Variants in GRID2 observed in about 807,000 individuals in gnomAD.
The protein encoded by GRID2 is glutamate receptor ionotropic, delta-2.
GRID2 carries 33 observed loss-of-function variants against 114.8 expected under a neutral mutation model. The ratio of observed to expected loss-of-function variants is 0.29; its 90% CI spans 0.22 to 0.38. GRID2 has a LOEUF of 0.38. Ranked by LOEUF, GRID2 falls within the 10% of genes least tolerant of loss-of-function variation. The pLI is 1.00. For missense variants in GRID2, 1,184 were observed against 1,257.7 expected, an observed-to-expected ratio of 0.94 and a Z score of 0.89; for synonymous variants, 505 against 449.9, an observed-to-expected ratio of 1.12 and a Z score of -1.55.
chr4:93,675,578 G>T (rs545336401), intron 14 of GRID2, among the ~76,000 whole-genome samples: 7 of 152,258 alleles, frequency 4.6e-5, no homozygotes, highest in African/African-American at 1.7e-4. Context: ...GAAACTAAGA[G>T]AAGTTGAGTA....
At chr4:92,660,030 A>C (rs1168082771) in intron 2 of GRID2, among the ~76,000 whole-genome samples, 1 of 151,442 alleles carries the variant, frequency 6.6e-6, no homozygotes, top group Non-Finnish European at 1.5e-5. Flanking sequence ...TTTTCATGAA[A>C]ATTATTTTGT....
At chr4:93,499,505 G>T (rs1374623134) in intron 12 of GRID2, among the ~76,000 whole-genome samples, 1 of 151,888 alleles carries the variant, frequency 6.6e-6, no homozygotes, top group Non-Finnish European at 1.5e-5. Context: ...CTACAGTCAA[G>T]CTAGACTCTT....
chr4:93,276,468 C>T lies in GRID2; in HGVS notation c.1245+37978C>T, dbSNP rs144376462. Among the ~76,000 whole-genome samples the T allele has an allele frequency of 1.1e-4, 17 of 151,994 alleles. No individual in the cohort carries two copies. The East Asian group carries it at 2.7e-3, about 24-fold the overall frequency. The stretch of plus-strand genomic sequence containing the variant: ...CATGTGAACTTTATGATCGTCTGTA[C>T]GATAAGCAGTAGGATTTTGATGGGG... On this transcript the variant is annotated intron_variant, in intron 8 of 15. Coordinates refer to ENST00000282020, the MANE Select transcript of GRID2 (RefSeq NM_001510.4).
intron 2 of GRID2, among the ~76,000 whole-genome samples, chr4:92,708,708 AG>A (rs1735068826): frequency 6.6e-6 from 1 of 152,122 alleles, no homozygotes; most frequent in South Asian, 2.1e-4. Flanking sequence ...ACATGTTTGT[AG>A]CGAATGTCTT....
intron 6 of GRID2, among the ~76,000 whole-genome samples, chr4:93,219,202 G>A (rs982458743): frequency 1.3e-5 from 2 of 152,108 alleles, no homozygotes; most frequent in South Asian, 2.1e-4. Context: ...TAAAAGTTGT[G>A]TTTGTTAAAA....
chr4:93,655,859 G>A (rs1014346417), intron 14 of GRID2, among the ~76,000 whole-genome samples: 2 of 151,836 alleles, frequency 1.3e-5, no homozygotes, highest in Admixed American at 1.3e-4. Flanking sequence ...TGTACACTCA[G>A]AAAAGTCATT....
At chr4:92,356,834 A>G (rs1042698955) in intron 1 of GRID2, among the ~76,000 whole-genome samples, 8 of 151,986 alleles carry the variant, frequency 5.3e-5, no homozygotes, top group African/African-American at 1.9e-4. Context: ...AACATGCTTA[A>G]AAATTGATGT....
intron 2 of GRID2, among the ~76,000 whole-genome samples, chr4:92,599,947 C>G (rs1244591138): frequency 6.7e-6 from 1 of 149,880 alleles, no homozygotes; most frequent in African/African-American, 2.5e-5. Flanking sequence ...ATCGCTTGAA[C>G]CTGGGAGGTG....
chr4:93,713,676 G>A (rs991604560), intron 14 of GRID2, among the ~76,000 whole-genome samples: 1 of 151,936 alleles, frequency 6.6e-6, no homozygotes, highest in Non-Finnish European at 1.5e-5. Flanking sequence ...TTTAGATAGG[G>A]TTACCAAGGA....
chr4:93,524,795 ATATATATATATATATATATGTATG>A (rs1730686913), intron 13 of GRID2, among the ~76,000 whole-genome samples: 1 of 83,692 alleles, frequency 1.2e-5, no homozygotes, highest in African/African-American at 5.2e-5. Flanking sequence ...GTATATATAT[ATATATATATATATATATATGTATG>A]TATGTATATA....
At chr4:93,402,391 T>C (rs1765982090) in intron 9 of GRID2, among the ~76,000 whole-genome samples, 1 of 152,166 alleles carries the variant, frequency 6.6e-6, no homozygotes, top group South Asian at 2.1e-4. Flanking sequence ...GATGAAACTA[T>C]GTGAAAGCAG....
Position 93,213,113 on chromosome 4 carries a change from C to T in GRID2, c.790-3625C>T, listed in dbSNP as rs150215224. Reference sequence around the variant, plus strand: ...GTTGTTGTTTTGAGATTTAAAAAGCCTATATGTGTAATGGATGTTTTTAAT... The same window carrying T: ...GTTGTTGTTTTGAGATTTAAAAAGCTTATATGTGTAATGGATGTTTTTAAT... On this transcript the variant is annotated intron_variant, in intron 5 of 15. Transcript: ENST00000282020. Among the ~76,000 whole-genome samples the T allele has an allele frequency of 5.0e-3, 757 of 152,122 alleles. 8 individuals carry two copies. Among genetic ancestry groups the T allele is most frequent in the African/African-American group, 0.017 (722 of 41,488 alleles).
chr4:93,389,137 G>T (rs1371590412), intron 8 of GRID2, among the ~76,000 whole-genome samples: 2 of 152,016 alleles, frequency 1.3e-5, no homozygotes, highest in African/African-American at 4.8e-5. Flanking sequence ...TGATTCAGAT[G>T]GTACCCATGA....
intron 5 of GRID2, among the ~76,000 whole-genome samples, chr4:93,215,366 A>G (rs1027628011): frequency 2.0e-5 from 3 of 152,066 alleles, no homozygotes; most frequent in Non-Finnish European, 4.4e-5. Context: ...AGCAATATTA[A>G]TATTAATTAA....
chr4:92,640,743 A>C (rs1386766804), intron 2 of GRID2, among the ~76,000 whole-genome samples: 4 of 152,028 alleles, frequency 2.6e-5, no homozygotes, highest in Admixed American at 2.0e-4. Flanking sequence ...AAGTCCCGTA[A>C]TATATATAAA....
chr4:92,594,298 G>T (rs1728847408), intron 2 of GRID2, among the ~76,000 whole-genome samples: 1 of 151,814 alleles, frequency 6.6e-6, no homozygotes. Context: ...TTCAACCATG[G>T]AATAGTAGGA....
chr4:93,106,285 T>C (rs1170026105), intron 3 of GRID2, among the ~76,000 whole-genome samples: 1 of 152,178 alleles, frequency 6.6e-6, no homozygotes, highest in Non-Finnish European at 1.5e-5. Flanking sequence ...ATAATGTGGC[T>C]GAATGATTGT....
intron 1 of GRID2, among the ~76,000 whole-genome samples, chr4:92,484,745 G>A (rs1722783399): frequency 6.6e-6 from 1 of 152,052 alleles, no homozygotes; most frequent in South Asian, 2.1e-4. Flanking sequence ...ATTATGAAGA[G>A]CGTCATATGA....
At chr4:93,163,352 T>TTGTG (rs1553999383) in intron 4 of GRID2, among the ~76,000 whole-genome samples, 4 of 93,148 alleles carry the variant, frequency 4.3e-5, no homozygotes, top group African/African-American at 2.0e-4. Context: ...GATTTTTTTT[T>TTGTG]TGTGTATATA....
Sources: gnomAD v4.1 joint callset for allele counts (sites outside exome capture counted in the v4.1 genomes callset) on GRCh38, gnomAD v4.1.1 for gene constraint, MANE v1.5 for transcripts, NCBI Gene and HGNC (gene_info 2026-07-23, HGNC 2026-07-21) for gene names.